TPTE: variants seen among roughly 807,000 people sequenced by gnomAD.
TPTE encodes the protein putative tyrosine-protein phosphatase TPTE.
TPTE carries 59 observed loss-of-function variants against 84.1 expected under a neutral mutation model. The observed-to-expected ratio is 0.70, with a 90% CI of 0.57 to 0.87. The LOEUF is 0.87. Ranked by LOEUF, TPTE falls within the 40% of genes least tolerant of loss-of-function variation. The pLI is 0.00. For missense variants in TPTE, 382 were observed against 659.6 expected, an observed-to-expected ratio of 0.58 and a Z score of 4.61; for synonymous variants, 130 against 223.5, an observed-to-expected ratio of 0.58 and a Z score of 3.73.
chr21:10,598,107 A>G lies in TPTE; in HGVS notation c.1356+13A>G, dbSNP rs375075164. ...AGGAAAATGTTCGGTAAGAGAAAAC[A>G]TGTGAATTGAAAAAATCTGATGTTT... is the stretch of plus-strand genomic sequence containing the variant. On this transcript the variant is annotated intron_variant, in intron 21 of 23. Transcript: ENST00000618007. The G allele has an allele frequency of 1.8e-3, 2,837 of 1,604,574 alleles. No homozygotes were observed. Among genetic ancestry groups the G allele is most frequent in the Non-Finnish European group, 1.8e-3 (2,109 of 1,172,652 alleles).
chr21:10,582,687 T>C (rs1345242608), intron 17 of TPTE, among the ~76,000 whole-genome samples: 2 of 152,310 alleles, frequency 1.3e-5, no homozygotes, highest in African/African-American at 4.8e-5. Flanking sequence ...TCTCTTTTTT[T>C]CTATTACATT....
chr21:10,553,474 G>C (rs1426661474), intron 8 of TPTE, among the ~76,000 whole-genome samples: 1 of 152,408 alleles, frequency 6.6e-6, no homozygotes, highest in African/African-American at 2.4e-5. Flanking sequence ...ATTTGCCACT[G>C]AATTAAACTG....
rs771341118 is a variant in TPTE, at chr21:10,598,038, C to T, written c.1300C>T (p.Gln434Ter). The T allele has an allele frequency of 6.2e-7, 1 of 1,613,754 alleles. No homozygotes were observed. The highest frequency in any genetic ancestry group is 8.5e-7 in the Non-Finnish European group (1 of 1,179,686). The change falls in exon 21 of 24, where the codon CAA becomes TAA. Residue 434 changes from glutamine to a stop codon, truncating the protein, a stop_gained. Transcript: ENST00000618007. LOFTEE classifies it high-confidence loss of function. Reference sequence around the variant, plus strand: ...AGGTTATGTACGTGATCTAAAAATCCAAATAGAAATGGAGAAAAAGGTTGT... The same window carrying T: ...AGGTTATGTACGTGATCTAAAAATCTAAATAGAAATGGAGAAAAAGGTTGT... ...IPRYVRDLKI[Q>*]IEMEKKVVFS...
At position 10,603,590 on chromosome 21, in the gene TPTE, C is replaced by A. The variant is rs757521579; in HGVS notation, c.1478C>A (p.Ser493Ter). The A allele has an allele frequency of 6.2e-7, 1 of 1,612,490 alleles. No individual in the cohort carries two copies. Among genetic ancestry groups the A allele is most frequent in the Admixed American group, 1.7e-5 (1 of 59,986 alleles). The change falls in exon 23 of 24, where the codon TCA (serine) becomes TAA (stop). Residue 493 changes from serine (S) to a stop codon, truncating the protein, a stop_gained. Transcript: ENST00000618007. LOFTEE classifies it high-confidence loss of function. The stretch of plus-strand genomic sequence containing the variant: ...CTTCCTACATACTATGACAATTGCT[C>A]ATTTTACTTCTGGTTGCACACATCT... ...SNLPTYYDNCSFYFWLHTSFI... is the reference protein window; with the variant it reads ...SNLPTYYDNC
At chr21:10,532,561 T>C (rs117219976) in intron 3 of TPTE, among the ~76,000 whole-genome samples, 3,650 of 150,924 alleles carry the variant, frequency 0.024, no homozygotes, top group Non-Finnish European at 0.033. Flanking sequence ...ATGTGTTCCT[T>C]TTCCAACCTC....
At chr21:10,560,624 A>G (rs1319439770) in intron 9 of TPTE, among the ~76,000 whole-genome samples, 1 of 152,308 alleles carries the variant, frequency 6.6e-6, no homozygotes, top group Admixed American at 6.5e-5. Flanking sequence ...GTTTTTATTA[A>G]TAAATTCTTT....
At chr21:10,537,938 A>G (rs1259338354) in intron 3 of TPTE, among the ~76,000 whole-genome samples, 2 of 152,310 alleles carry the variant, frequency 1.3e-5, no homozygotes, top group Admixed American at 1.3e-4. Context: ...AGGTGACTTT[A>G]TGTCTTGAAT....
chr21:10,554,987 A>C (rs1337267543), intron 8 of TPTE, among the ~76,000 whole-genome samples: 82 of 152,382 alleles, frequency 5.4e-4, no homozygotes, highest in Non-Finnish European at 1.1e-3. Flanking sequence ...CCCTACCCCC[A>C]GAGTCTGCAC....
intron 7 of TPTE, among the ~76,000 whole-genome samples, chr21:10,549,037 C>CA (rs1243584380): frequency 6.6e-6 from 1 of 152,308 alleles, no homozygotes; most frequent in Non-Finnish European, 1.5e-5. Flanking sequence ...CCAGTGAGCC[C>CA]ACCCCTGGCA....
At chr21:10,536,128 AT>A (rs1240123788) in intron 3 of TPTE, among the ~76,000 whole-genome samples, 7 of 152,428 alleles carry the variant, frequency 4.6e-5, no homozygotes, top group African/African-American at 1.7e-4. Flanking sequence ...AAATACAAAA[AT>A]TAGCCAGGTG....
At chr21:10,589,412 C>G (rs2075423825) in intron 17 of TPTE, among the ~76,000 whole-genome samples, 1 of 152,298 alleles carries the variant, frequency 6.6e-6, no homozygotes, top group African/African-American at 2.4e-5. Flanking sequence ...GGGAGGAGCT[C>G]TCTGTTGCCC....
At chr21:10,553,134 A>T (rs2074612575) in intron 8 of TPTE, among the ~76,000 whole-genome samples, 2 of 152,428 alleles carry the variant, frequency 1.3e-5, no homozygotes, top group Admixed American at 6.5e-5. Context: ...TATTTTGCTG[A>T]CTAAAGACCT....
chr21:10,555,169 G>A (rs2074657252), intron 8 of TPTE, among the ~76,000 whole-genome samples: 2 of 152,294 alleles, frequency 1.3e-5, no homozygotes, highest in South Asian at 2.1e-4. Context: ...GATATTATTG[G>A]AACTTTCAGT....
chr21:10,555,182 A>G (rs1018526116), intron 8 of TPTE, among the ~76,000 whole-genome samples: 1 of 152,306 alleles, frequency 6.6e-6, no homozygotes, highest in Non-Finnish European at 1.5e-5. Flanking sequence ...CTTTCAGTGT[A>G]TTAAGGTTTA....
intron 2 of TPTE, among the ~76,000 whole-genome samples, chr21:10,525,072 G>T (rs1479390846): frequency 6.6e-6 from 1 of 152,308 alleles, no homozygotes; most frequent in African/African-American, 2.4e-5. Flanking sequence ...GTTCAAGGAT[G>T]GTAAGCTAGT....
intron 17 of TPTE, among the ~76,000 whole-genome samples, chr21:10,588,453 G>A (rs1286423312): frequency 7.9e-5 from 12 of 152,258 alleles, no homozygotes; most frequent in Admixed American, 7.2e-4. Context: ...CTTTTTCTTT[G>A]ACAGTGACCT....
intron 17 of TPTE, among the ~76,000 whole-genome samples, chr21:10,583,415 T>C (rs1433880542): frequency 7.4e-4 from 112 of 152,034 alleles, no homozygotes; most frequent in African/African-American, 2.6e-3. Flanking sequence ...TAACCATTTT[T>C]CTCCTGGATT....
intron 2 of TPTE, among the ~76,000 whole-genome samples, chr21:10,526,786 C>T (rs1317431277): frequency 2.0e-5 from 3 of 152,302 alleles, no homozygotes; most frequent in Admixed American, 6.5e-5. Flanking sequence ...GAATATTCAG[C>T]ATGGTTTTAT....
chr21:10,571,777 G>C (rs2075048187), intron 14 of TPTE, among the ~76,000 whole-genome samples: 1 of 152,308 alleles, frequency 6.6e-6, no homozygotes. Flanking sequence ...AGAGGCCAAG[G>C]CAGTGGATTA....
Sources: allele counts gnomAD v4.1 joint callset (sites outside exome capture counted in the v4.1 genomes callset), GRCh38; gene constraint gnomAD v4.1.1; transcripts MANE v1.5; gene names NCBI Gene and HGNC (gene_info 2026-07-23, HGNC 2026-07-21).